IL21R: variants seen among roughly 807,000 people sequenced by gnomAD.
IL21R encodes the protein interleukin 21 receptor.
Under a neutral mutation model 41.3 loss-of-function variants are expected in IL21R, and 14 were observed. That is an observed-to-expected ratio of 0.34 (90% CI 0.22 to 0.53). IL21R has a LOEUF of 0.53. IL21R is among the 20% of genes least tolerant of loss of function. The pLI is 0.94. For synonymous variants in IL21R, 286 were observed against 287.6 expected (o/e 0.99, Z 0.05); for missense variants, 588 against 681.6 (o/e 0.86, Z 1.53).
intron 1 of IL21R, among the ~76,000 whole-genome samples, chr16:27,410,594 T>C (rs572578925): frequency 1.0e-3 from 158 of 152,334 alleles, no homozygotes; most frequent in Non-Finnish European, 1.7e-3. Flanking sequence ...GCTTTTGTAA[T>C]GTTTATGGAT....
chr16:27,446,831 A>T (rs2087489248), intron 8 of IL21R, among the ~76,000 whole-genome samples: 1 of 152,114 alleles, frequency 6.6e-6, no homozygotes, highest in Admixed American at 6.6e-5. Flanking sequence ...ACCCGCCAGC[A>T]CCCACAGGTT....
At chr16:27,408,949 A>G (rs1596564690) in intron 1 of IL21R, among the ~76,000 whole-genome samples, 1 of 152,276 alleles carries the variant, frequency 6.6e-6, no homozygotes, top group Admixed American at 6.5e-5. Context: ...AATGGCTGCT[A>G]TGAACATGCT....
chr16:27,431,977 C>A (rs1043252306), intron 2 of IL21R, among the ~76,000 whole-genome samples: 19 of 152,308 alleles, frequency 1.2e-4, no homozygotes, highest in Non-Finnish European at 2.6e-4. Flanking sequence ...GCACCACCCC[C>A]AGAGGGGACA....
chr16:27,418,624 C>G (rs1448400013), intron 1 of IL21R, among the ~76,000 whole-genome samples: 4 of 152,162 alleles, frequency 2.6e-5, no homozygotes, highest in Admixed American at 2.6e-4. Flanking sequence ...CCCGCCTTGG[C>G]CTCCCAAAGT....
At chr16:27,434,292 C>T (rs1161626719) in intron 2 of IL21R, 55 bp from the exon 3 acceptor site, 30 of 1,121,040 alleles carry the variant, frequency 2.7e-5, no homozygotes, top group Non-Finnish European at 4.1e-5. Flanking sequence ...GGAGAGGAAG[C>T]TCTGCAGTCC....
intron 2 of IL21R, among the ~76,000 whole-genome samples, chr16:27,431,963 C>T (rs971988771): frequency 5.9e-5 from 9 of 151,986 alleles, no homozygotes; most frequent in Admixed American, 2.0e-4. Context: ...CCACATTGAA[C>T]GCTGCACCAC....
intron 3 of IL21R, among the ~76,000 whole-genome samples, chr16:27,434,765 C>T (rs2087238376): frequency 6.6e-6 from 1 of 152,148 alleles, no homozygotes; most frequent in South Asian, 2.1e-4. Context: ...CCAACCCTCA[C>T]AATGATTACT....
chr16:27,450,962 C>T lies in IL21R; in HGVS notation c.*1679C>T. On this transcript the variant is annotated 3_prime_UTR_variant, in exon 9 of 9. Coordinates refer to ENST00000337929, the MANE Select transcript of IL21R (RefSeq NM_181078.3). ...GAAGTGGGGTGGTTGGGAGAGGTAGCTGAGAGAATGCATGAGAGTCCTCGG... is the reference window on the plus strand; with the variant it reads ...GAAGTGGGGTGGTTGGGAGAGGTAGTTGAGAGAATGCATGAGAGTCCTCGG... 1 of 232,052 alleles carries T rather than the reference C, an allele frequency of 4.3e-6. No homozygotes were observed. 14.4% of individuals were successfully genotyped at this position (232,052 alleles called of 1,614,324 possible). A position where few individuals can be genotyped will look rare whatever the true frequency, so the allele number is the denominator to read the frequency against.
intron 1 of IL21R, among the ~76,000 whole-genome samples, chr16:27,423,750 C>T (rs1340995761): frequency 2.0e-5 from 3 of 152,172 alleles, no homozygotes; most frequent in East Asian, 1.9e-4. Flanking sequence ...TTTTTTCACT[C>T]TCCTGATGAT....
At chr16:27,431,531 A>G (rs3091235) in intron 2 of IL21R, among the ~76,000 whole-genome samples, 123,072 of 152,210 alleles carry the variant, frequency 0.81, 49,988 homozygotes, top group East Asian at 0.99. Context: ...GTGCTGCTGT[A>G]ACTGAATACG....
chr16:27,418,487 G>A (rs1382046756), intron 1 of IL21R, among the ~76,000 whole-genome samples: 3 of 152,124 alleles, frequency 2.0e-5, no homozygotes, highest in Non-Finnish European at 4.4e-5. Context: ...TCCTGTCTCA[G>A]CCTCCAGAGT....
At chr16:27,435,795 G>A (rs964487362) in intron 3 of IL21R, among the ~76,000 whole-genome samples, 1 of 151,758 alleles carries the variant, frequency 6.6e-6, no homozygotes, top group Non-Finnish European at 1.5e-5. Flanking sequence ...TGGAGACGGA[G>A]TCTCACTCTG....
intron 1 of IL21R, among the ~76,000 whole-genome samples, chr16:27,419,743 GTAAGT>G (rs1318823252): frequency 6.6e-6 from 1 of 151,166 alleles, no homozygotes; most frequent in African/African-American, 2.4e-5. Context: ...TTTTTTTTAA[GTAAGT>G]ACAAGGAGCA....
chr16:27,439,452 ACT>A (rs1022925139), intron 4 of IL21R, among the ~76,000 whole-genome samples: 4 of 151,524 alleles, frequency 2.6e-5, no homozygotes, highest in Admixed American at 6.6e-5. Flanking sequence ...ACACGCACAC[ACT>A]CACACATGCA....
intron 3 of IL21R, among the ~76,000 whole-genome samples, chr16:27,435,542 C>T (rs1221038034): frequency 2.0e-5 from 3 of 151,842 alleles, no homozygotes; most frequent in Non-Finnish European, 4.4e-5. Flanking sequence ...TAGCCTTGAC[C>T]TCCTGGGCTC....
chr16:27,445,482 C>A (rs3093374), intron 7 of IL21R, among the ~76,000 whole-genome samples: 3,198 of 152,318 alleles, frequency 0.021, 145 homozygotes, highest in East Asian at 0.16. Flanking sequence ...TGAGACACTG[C>A]AGTTGCCCTT....
At chr16:27,411,872 C>T (rs113509770) in intron 1 of IL21R, among the ~76,000 whole-genome samples, 2,337 of 152,230 alleles carry the variant, frequency 0.015, 31 homozygotes, top group Non-Finnish European at 0.025. Context: ...AATATTTTGT[C>T]CCATTCCATA....
At chr16:27,427,963 C>T (rs565293085) in intron 1 of IL21R, among the ~76,000 whole-genome samples, 1 of 152,244 alleles carries the variant, frequency 6.6e-6, no homozygotes, top group African/African-American at 2.4e-5. Flanking sequence ...TTTAAGTGTG[C>T]TTATCTATAG....
rs2087604539 is a variant in IL21R, at chr16:27,451,880, T to C, written c.*2597T>C. On this transcript the variant is annotated 3_prime_UTR_variant, in exon 9 of 9. Transcript: ENST00000337929. The stretch of plus-strand genomic sequence containing the variant: ...ACTCTTAATGGCTTTAATAAAAAGC[T>C]TGAAGGAAGAATGATTGGTTGGATA... 4.3e-6 allele frequency: 1 copy of C among 230,206 alleles called. No homozygotes were observed. The highest frequency in any genetic ancestry group is 8.6e-6 in the Non-Finnish European group (1 of 116,274). 14.3% of individuals were successfully genotyped at this position (230,206 alleles called of 1,614,324 possible).
Sources: gnomAD v4.1 joint callset for allele counts (sites outside exome capture counted in the v4.1 genomes callset) on GRCh38, gnomAD v4.1.1 for gene constraint, MANE v1.5 for transcripts, NCBI Gene and HGNC (gene_info 2026-07-23, HGNC 2026-07-21) for gene names.